RFTN2: variants seen among roughly 807,000 people sequenced by gnomAD.
RFTN2 encodes raftlin-2.
RFTN2 carries 34 observed loss-of-function variants against 52.7 expected under a neutral mutation model. The ratio of observed to expected loss-of-function variants is 0.64; its 90% CI spans 0.49 to 0.86. The LOEUF (loss-of-function observed/expected upper bound fraction) is 0.86, where lower values mean the gene tolerates loss of function less well. RFTN2 is among the 40% of genes least tolerant of loss of function. The probability of loss-of-function intolerance (pLI) is 0.00; values close to 1 mark genes in which losing one functional copy is unlikely to be tolerated. For missense variants in RFTN2, 536 were observed against 600.1 expected (o/e 0.89, Z 1.12); for synonymous variants, 203 against 217.7 (o/e 0.93, Z 0.59).
intron 8 of RFTN2, among the ~76,000 whole-genome samples, chr2:197,589,634 T>A (rs978321471): frequency 2.6e-5 from 4 of 152,348 alleles, no homozygotes; most frequent in African/African-American, 9.6e-5. Flanking sequence ...TCTTTTCATG[T>A]ATTTACTTCT....
chr2:197,635,438 G>A (rs2088549691), intron 3 of RFTN2, among the ~76,000 whole-genome samples: 1 of 152,142 alleles, frequency 6.6e-6, no homozygotes, highest in Admixed American at 6.5e-5. Context: ...TCTAACTGGT[G>A]TGAGATGGTA....
intron 7 of RFTN2, among the ~76,000 whole-genome samples, chr2:197,607,785 G>A (rs1407167008): frequency 6.6e-6 from 1 of 151,984 alleles, no homozygotes; most frequent in East Asian, 1.9e-4. Flanking sequence ...TGTTTCTCAG[G>A]TATCAGTATG....
chr2:197,646,840 A>T (rs926375904), intron 1 of RFTN2, among the ~76,000 whole-genome samples, 174 bp from the exon 2 acceptor site: 1 of 128,190 alleles, frequency 7.8e-6, no homozygotes. Context: ...GTTTGAGCCC[A>T]GGAGTTTGAG....
chr2:197,667,993 A>C (rs567593669), intron 1 of RFTN2, among the ~76,000 whole-genome samples: 1 of 152,046 alleles, frequency 6.6e-6, no homozygotes, highest in Non-Finnish European at 1.5e-5. Flanking sequence ...CTGGGGAGCC[A>C]GTGTGGCATG....
intron 8 of RFTN2, among the ~76,000 whole-genome samples, chr2:197,594,329 T>C (rs1347168010): frequency 6.6e-6 from 1 of 152,000 alleles, no homozygotes; most frequent in Non-Finnish European, 1.5e-5. Context: ...ATTTCTTTTA[T>C]TTAATTAATT....
At chr2:197,634,983 G>T (rs527968988) in intron 3 of RFTN2, among the ~76,000 whole-genome samples, 1 of 110,814 alleles carries the variant, frequency 9.0e-6, no homozygotes, top group African/African-American at 3.5e-5. Context: ...GAGAATATGC[G>T]GTGTTTCGTT....
At chr2:197,590,656 G>A (rs927531581) in intron 8 of RFTN2, among the ~76,000 whole-genome samples, 2 of 152,162 alleles carry the variant, frequency 1.3e-5, no homozygotes, top group African/African-American at 2.4e-5. Context: ...TGCTCCTTCT[G>A]GTGTTTGGAT....
intron 5 of RFTN2, among the ~76,000 whole-genome samples, chr2:197,627,287 A>G (rs182145244): frequency 1.3e-5 from 2 of 152,236 alleles, no homozygotes; most frequent in East Asian, 3.9e-4. Flanking sequence ...GGACCTCCCG[A>G]CCACCTCTTT....
At chr2:197,657,646 AT>A (rs2088912444) in intron 1 of RFTN2, among the ~76,000 whole-genome samples, 1 of 148,782 alleles carries the variant, frequency 6.7e-6, no homozygotes, top group Non-Finnish European at 1.5e-5. Flanking sequence ...AATTTTCCTC[AT>A]TTGTAGGGAT....
At chr2:197,614,140 C>T (rs911436419) in intron 7 of RFTN2, among the ~76,000 whole-genome samples, 1 of 152,140 alleles carries the variant, frequency 6.6e-6, no homozygotes, top group Admixed American at 6.5e-5. Flanking sequence ...AATGTAAGTC[C>T]CTTGTTTTGT....
At chr2:197,645,817 G>C (rs1469390686) in intron 2 of RFTN2, among the ~76,000 whole-genome samples, 1 of 152,168 alleles carries the variant, frequency 6.6e-6, no homozygotes, top group Admixed American at 6.5e-5. Flanking sequence ...CTGCGGTCAG[G>C]AGTTCGAGAC....
chr2:197,646,548 C>T lies in RFTN2; in HGVS notation c.258G>A (p.Val86=), dbSNP rs1210183012. The part of the protein sequence containing the change: ...VGAIHPVIQP[V]GQRKHLPASY... ...TTGCAGGTAGGTGTTTTCGCTGCCC[C>T]ACAGGTTGTATAACAGGATGAATAG... Residue 86 remains valine (V), a synonymous_variant, in exon 2 of 9, where the codon GTG becomes GTA. Transcript: ENST00000295049. 4 of 1,613,884 alleles carry T rather than the reference C, an allele frequency of 2.5e-6. No homozygotes were observed. The African/African-American group carries it at 4.0e-5, about 16-fold the overall frequency.
At chr2:197,592,158 G>A (rs2087726728) in intron 8 of RFTN2, among the ~76,000 whole-genome samples, 1 of 152,158 alleles carries the variant, frequency 6.6e-6, no homozygotes, top group South Asian at 2.1e-4. Context: ...AAATTGGGTA[G>A]GAAAAGTCTT....
intron 3 of RFTN2, among the ~76,000 whole-genome samples, chr2:197,643,016 A>G (rs2088697181): frequency 6.6e-6 from 1 of 152,222 alleles, no homozygotes; most frequent in South Asian, 2.1e-4. Flanking sequence ...CTTACTAAAT[A>G]GATATTCAGG....
At chr2:197,618,966 C>T (rs1168592381) in intron 5 of RFTN2, among the ~76,000 whole-genome samples, 5 of 150,954 alleles carry the variant, frequency 3.3e-5, no homozygotes, top group African/African-American at 7.3e-5. Context: ...GGGGGGTCAG[C>T]CCCCCGCCCG....
chr2:197,670,416 A>T (rs2089128680), intron 1 of RFTN2, among the ~76,000 whole-genome samples: 1 of 152,206 alleles, frequency 6.6e-6, no homozygotes, highest in Non-Finnish European at 1.5e-5. Context: ...AGCTAAGTAG[A>T]TAATGCCAAA....
At chr2:197,605,663 C>T (rs928317127) in intron 7 of RFTN2, among the ~76,000 whole-genome samples, 31 of 152,222 alleles carry the variant, frequency 2.0e-4, no homozygotes, top group Middle Eastern at 3.4e-3. Flanking sequence ...CTGCAACGTC[C>T]GCTCCCATGC....
intron 7 of RFTN2, among the ~76,000 whole-genome samples, chr2:197,602,988 T>C (rs973480160): frequency 5.3e-5 from 8 of 151,754 alleles, no homozygotes; most frequent in Non-Finnish European, 1.2e-4. Context: ...AAACCAAACA[T>C]AGCATGTTCT....
intron 1 of RFTN2, among the ~76,000 whole-genome samples, chr2:197,648,873 G>A (rs1015065260): frequency 6.6e-6 from 1 of 152,060 alleles, no homozygotes; most frequent in African/African-American, 2.4e-5. Context: ...TCCTTCCTCT[G>A]GGCTGCATGT....
Sources: gnomAD v4.1 joint callset for allele counts (sites outside exome capture counted in the v4.1 genomes callset) on GRCh38, gnomAD v4.1.1 for gene constraint, MANE v1.5 for transcripts, NCBI Gene and HGNC (gene_info 2026-07-23, HGNC 2026-07-21) for gene names.